The following PTPRD variants were observed in gnomAD, a reference collection of about 807,000 sequenced individuals.
The protein encoded by PTPRD is protein tyrosine phosphatase receptor type D.
In PTPRD, 34 loss-of-function variants were observed where a neutral mutation model predicts 214.5. That is an observed-to-expected ratio of 0.16 (90% CI 0.12 to 0.21). The LOEUF (loss-of-function observed/expected upper bound fraction) is 0.21. Ranked by LOEUF, PTPRD falls within the 10% of genes least tolerant of loss-of-function variation. The pLI, the probability that PTPRD is intolerant of heterozygous loss-of-function variation, is 1.00. For synonymous variants in PTPRD, 1,128 were observed against 845.7 expected, an observed-to-expected ratio of 1.33 and a Z score of -5.79; for missense variants, 2,545 against 2,398.7, an observed-to-expected ratio of 1.06 and a Z score of -1.27.
rs2098478514 is a variant in PTPRD at position 9,748,294 on chromosome 9, T to C, written c.-325-13723A>G. On this transcript the variant is annotated intron_variant, in intron 6 of 45. Coordinates refer to ENST00000381196, the MANE Select transcript of PTPRD (RefSeq NM_002839.4). ...GGGATCCTACACTAAAATCTTTGCATATTTGCATGAATGTTCACACCAGAA... is the reference window on the plus strand; with the variant it reads ...GGGATCCTACACTAAAATCTTTGCACATTTGCATGAATGTTCACACCAGAA... Among the ~76,000 whole-genome samples the C allele has an allele frequency of 2.0e-5, 3 of 152,324 alleles. No individual in the cohort carries two copies. The South Asian group carries it at 6.2e-4, about 32-fold the overall frequency.
Position 8,642,689 on chromosome 9 carries a change from T to C in PTPRD, c.65-5845A>G, listed in dbSNP as rs572795760. ...TGGTTCCAAGGGTAGTAGCCTGGTC[T>C]GAAGGTTTGAGGGGAATGAGTTACC... On this transcript the variant is annotated intron_variant, in intron 12 of 45. Coordinates refer to ENST00000381196, the MANE Select transcript of PTPRD (RefSeq NM_002839.4). Among the ~76,000 whole-genome samples, 10 of 152,304 alleles carry C rather than the reference T, an allele frequency of 6.6e-5. No homozygotes were observed. In the South Asian group the frequency reaches 1.7e-3, roughly 25 times the overall value.
intron 15 of PTPRD, among the ~76,000 whole-genome samples, chr9:8,527,971 T>C (rs1270033481): frequency 2.0e-5 from 3 of 152,234 alleles, no homozygotes; most frequent in African/African-American, 7.2e-5. Context: ...CCCCTCCTTT[T>C]ACTGGTATTT....
chr9:9,543,204 G>C (rs79219302), intron 8 of PTPRD, among the ~76,000 whole-genome samples: 2,552 of 151,674 alleles, frequency 0.017, 42 homozygotes, highest in Admixed American at 0.026. Flanking sequence ...ATACATGAAA[G>C]AATGCATATT....
intron 5 of PTPRD, among the ~76,000 whole-genome samples, chr9:9,773,337 G>A (rs2098768977): frequency 6.6e-6 from 1 of 152,120 alleles, no homozygotes; most frequent in African/African-American, 2.4e-5. Flanking sequence ...CCAGGGAGAA[G>A]AATGTTTCTT....
At chr9:10,534,272 A>C (rs116275834) in intron 2 of PTPRD, among the ~76,000 whole-genome samples, 2,558 of 152,110 alleles carry the variant, frequency 0.017, 70 homozygotes, top group African/African-American at 0.059. Context: ...CCAAAGTTAA[A>C]AACTTAAAAT....
intron 10 of PTPRD, among the ~76,000 whole-genome samples, chr9:9,157,480 T>C (rs2099882228): frequency 6.6e-6 from 1 of 152,122 alleles, no homozygotes; most frequent in Non-Finnish European, 1.5e-5. Flanking sequence ...AAGAAACTAC[T>C]ATGAACAACT....
At chr9:10,510,921 T>A (rs905342066) in intron 2 of PTPRD, among the ~76,000 whole-genome samples, 1 of 152,178 alleles carries the variant, frequency 6.6e-6, no homozygotes, top group African/African-American at 2.4e-5. Flanking sequence ...ATGAATACTT[T>A]TAGTTCCCAC....
intron 11 of PTPRD, among the ~76,000 whole-genome samples, chr9:8,951,977 G>A (rs2154306044): frequency 6.6e-6 from 1 of 151,928 alleles, no homozygotes. Context: ...CTGCTCAATT[G>A]ATTTCTGAAA....
intron 2 of PTPRD, among the ~76,000 whole-genome samples, chr9:10,348,401 A>G (rs75909103): frequency 0.055 from 8,412 of 152,280 alleles, 325 homozygotes; most frequent in South Asian, 0.12. Context: ...AAAAACAACC[A>G]AAATGATTTA....
intron 8 of PTPRD, among the ~76,000 whole-genome samples, chr9:9,498,014 G>C (rs1029050675): frequency 1.3e-5 from 2 of 152,046 alleles, no homozygotes; most frequent in African/African-American, 4.8e-5. Flanking sequence ...TTGCTTGCCT[G>C]AGATAACAGT....
intron 11 of PTPRD, among the ~76,000 whole-genome samples, chr9:8,774,955 G>T: frequency 6.6e-6 from 1 of 152,220 alleles, no homozygotes; most frequent in African/African-American, 2.4e-5. Context: ...GAATATAAAG[G>T]AAAAATTAAA....
intron 4 of PTPRD, among the ~76,000 whole-genome samples, chr9:10,028,195 C>T (rs190163814): frequency 6.6e-6 from 1 of 152,312 alleles, no homozygotes; most frequent in East Asian, 1.9e-4. Context: ...TTATCTGCTG[C>T]CATGTGAGAC....
intron 39 of PTPRD, among the ~76,000 whole-genome samples, chr9:8,364,648 T>C (rs1161648324): frequency 1.3e-5 from 2 of 152,298 alleles, no homozygotes; most frequent in East Asian, 1.9e-4. Context: ...CCTGAAGTGG[T>C]TTCCACCATC....
At chr9:10,295,339 G>A (rs898238252) in intron 3 of PTPRD, among the ~76,000 whole-genome samples, 6 of 152,078 alleles carry the variant, frequency 3.9e-5, no homozygotes, top group African/African-American at 1.4e-4. Context: ...CCAAACTATA[G>A]GTGATTTTCA....
chr9:9,214,632 A>T (rs2099950955), intron 9 of PTPRD, among the ~76,000 whole-genome samples: 1 of 152,162 alleles, frequency 6.6e-6, no homozygotes, highest in South Asian at 2.1e-4. Context: ...CCTCTCTGTG[A>T]CTTTTTTGTA....
At chr9:9,286,701 T>C (rs554589859) in intron 9 of PTPRD, among the ~76,000 whole-genome samples, 28 of 151,042 alleles carry the variant, frequency 1.9e-4, no homozygotes, top group Admixed American at 6.0e-4. Context: ...ATTTGAATCC[T>C]AATTTCACTG....
intron 11 of PTPRD, among the ~76,000 whole-genome samples, chr9:8,760,346 T>C (rs963393897): frequency 1.3e-5 from 2 of 152,200 alleles, no homozygotes; most frequent in Non-Finnish European, 2.9e-5. Flanking sequence ...GAGATCAATA[T>C]TCATGTTTGG....
intron 6 of PTPRD, among the ~76,000 whole-genome samples, chr9:9,737,368 CATA>C (rs1427470885): frequency 1.3e-5 from 2 of 152,056 alleles, no homozygotes; most frequent in Non-Finnish European, 2.9e-5. Context: ...ATATAATTTA[CATA>C]ATGTTTACTA....
rs547410136 is a variant in PTPRD, at chr9:9,657,394, T to G, written c.-287+77139A>C. 7.9e-5 allele frequency among the ~76,000 whole-genome samples: 12 copies of G among 151,402 alleles called. No homozygotes were observed. In the South Asian group the frequency reaches 1.9e-3, roughly 24 times the overall value. On this transcript the variant is annotated intron_variant, in intron 7 of 45. Coordinates refer to ENST00000381196, the MANE Select transcript of PTPRD (RefSeq NM_002839.4). ...ACATATTCTCACTCATAAGTGGGAG[T>G]TGAACAGTGAGAACGCATGGACACA...
Sources: gnomAD v4.1 joint callset for allele counts (sites outside exome capture counted in the v4.1 genomes callset) on GRCh38, gnomAD v4.1.1 for gene constraint, MANE v1.5 for transcripts, NCBI Gene and HGNC (gene_info 2026-07-23, HGNC 2026-07-21) for gene names.